DNAH5: variants seen among roughly 807,000 people sequenced by gnomAD.
The protein encoded by DNAH5 is dynein axonemal heavy chain 5.
In DNAH5, 372 loss-of-function variants were observed where a neutral mutation model predicts 518.2. That is an observed-to-expected ratio of 0.72 (90% CI 0.66 to 0.78). DNAH5 has a LOEUF of 0.78. Among genes scored for constraint, DNAH5 ranks in the 30% least tolerant of loss-of-function variants. The pLI is 0.00. For synonymous variants in DNAH5, 2,039 were observed against 2,025.9 expected (o/e 1.01, Z -0.17); for missense variants, 5,523 against 5,687.0 (o/e 0.97, Z 0.93).
chr5:13,760,660 T>A (rs1751647021), intron 60 of DNAH5, among the ~76,000 whole-genome samples: 1 of 152,202 alleles, frequency 6.6e-6, no homozygotes. Context: ...TAGAAGTCAC[T>A]TAGCCCAACT....
intron 76 of DNAH5, among the ~76,000 whole-genome samples, chr5:13,702,867 A>G (rs779044938): frequency 2.0e-5 from 3 of 152,020 alleles, no homozygotes; most frequent in Middle Eastern, 3.2e-3. Flanking sequence ...TCAGCACCAA[A>G]CAAGTCCTAT....
intron 15 of DNAH5, chr5:13,896,471 AC>A (rs1321834577): frequency 1.3e-5 from 2 of 152,182 alleles, no homozygotes; most frequent in African/African-American, 4.8e-5. Flanking sequence ...ATAAACCACC[AC>A]CAAAACCACT....
At chr5:13,889,396 C>A (rs1283516876) in intron 17 of DNAH5, among the ~76,000 whole-genome samples, 2 of 152,076 alleles carry the variant, frequency 1.3e-5, no homozygotes, top group African/African-American at 4.8e-5. Context: ...GTAAGTTTTG[C>A]GTATAAAATG....
chr5:13,987,473 C>T (rs1250501337), intron 1 of DNAH5, among the ~76,000 whole-genome samples: 3 of 152,042 alleles, frequency 2.0e-5, no homozygotes, highest in African/African-American at 7.3e-5. Context: ...ACTGCTCACA[C>T]CAGAGAATGA....
intron 65 of DNAH5, among the ~76,000 whole-genome samples, chr5:13,740,684 G>A (rs1415429936): frequency 6.6e-6 from 1 of 152,130 alleles, no homozygotes; most frequent in Non-Finnish European, 1.5e-5. Context: ...GAACTCTCTT[G>A]CCTCAGGGCC....
chr5:13,860,139 A>C (rs774781495), intron 29 of DNAH5, among the ~76,000 whole-genome samples: 1 of 152,228 alleles, frequency 6.6e-6, no homozygotes, highest in East Asian at 1.9e-4. Flanking sequence ...TTTGATGTAC[A>C]TGTGTGCAAG....
chr5:13,693,166 G>A (rs1027475915), intron 78 of DNAH5, among the ~76,000 whole-genome samples: 1 of 151,988 alleles, frequency 6.6e-6, no homozygotes, highest in South Asian at 2.1e-4. Flanking sequence ...GTACTCTTCC[G>A]GGAAGTCAAT....
intron 41 of DNAH5, among the ~76,000 whole-genome samples, chr5:13,818,965 C>T (rs6895640): frequency 0.39 from 59,859 of 152,052 alleles, 11,952 homozygotes; most frequent in East Asian, 0.61. Flanking sequence ...AGTTCATAAA[C>T]AGCAAATAGT....
intron 30 of DNAH5, among the ~76,000 whole-genome samples, chr5:13,851,945 C>T (rs1028578137): frequency 2.0e-5 from 3 of 151,832 alleles, no homozygotes; most frequent in Non-Finnish European, 4.4e-5. Context: ...CGGGGTGGGG[C>T]GTTGCCTCAC....
intron 40 of DNAH5, among the ~76,000 whole-genome samples, chr5:13,821,301 G>T (rs954837561): frequency 2.6e-5 from 4 of 152,136 alleles, no homozygotes; most frequent in Non-Finnish European, 4.4e-5. Context: ...CTTACAACTA[G>T]AAAAATGGAT....
At chr5:13,997,772 T>C (rs1038452934) in intron 1 of DNAH5, among the ~76,000 whole-genome samples, 1 of 152,166 alleles carries the variant, frequency 6.6e-6, no homozygotes, top group Admixed American at 6.5e-5. Context: ...CTGTCTTAGT[T>C]CATTTGGGCT....
intron 1 of DNAH5, among the ~76,000 whole-genome samples, chr5:14,007,054 CTG>C: frequency 6.6e-6 from 1 of 152,220 alleles, no homozygotes; most frequent in Non-Finnish European, 1.5e-5. Flanking sequence ...CTCCATAGCC[CTG>C]CAAGGCTGTC....
In DNAH5 at chr5:13,919,171, A is replaced by G; in HGVS notation, c.975+5T>C. ...TTCACAAGGCAAAATGAAATGGCTG[A>G]CGACCTTCAGCAGTTTCGACTTGGC... On this transcript the variant is annotated splice_donor_5th_base_variant and intron_variant, in intron 7 of 78. Coordinates refer to ENST00000265104, the MANE Select transcript of DNAH5 (RefSeq NM_001369.3). 1.2e-6 allele frequency: 2 copies of G among 1,613,956 alleles called. No individual in the cohort carries two copies. The highest frequency in any genetic ancestry group is 1.7e-6 in the Non-Finnish European group (2 of 1,179,846).
intron 50 of DNAH5, among the ~76,000 whole-genome samples, chr5:13,791,779 T>A (rs1757033263): frequency 6.6e-6 from 1 of 152,222 alleles, no homozygotes; most frequent in Non-Finnish European, 1.5e-5. Context: ...ATGATGTTCT[T>A]AAAACACAAA....
At chr5:13,908,085 G>A (rs571653296) in intron 12 of DNAH5, among the ~76,000 whole-genome samples, 33 of 152,212 alleles carry the variant, frequency 2.2e-4, no homozygotes, top group African/African-American at 7.2e-4. Context: ...TGGGTAAGCC[G>A]CAAACCTCCT....
intron 18 of DNAH5, among the ~76,000 whole-genome samples, chr5:13,885,478 C>T (rs1025742313): frequency 6.6e-6 from 1 of 152,206 alleles, no homozygotes; most frequent in African/African-American, 2.4e-5. Context: ...ACAAGAGAGG[C>T]AGGAGCTATG....
intron 17 of DNAH5, among the ~76,000 whole-genome samples, 177 bp from the exon 18 acceptor site, chr5:13,886,306 T>C (rs1011532617): frequency 2.0e-5 from 3 of 152,178 alleles, no homozygotes; most frequent in Non-Finnish European, 2.9e-5. Context: ...TCTAAAGGAA[T>C]GTGTTTAGGA....
Position 13,840,986 on chromosome 5 carries a change from C to T in DNAH5, c.5629G>A (p.Asp1877Asn), listed in dbSNP as rs1362563442. Reference protein sequence around the residue: ...LNTLIDVTTRDLSSTERVKYE... With the variant: ...LNTLIDVTTRNLSSTERVKYE... ...TTCACTCGTTCCGTGGAACTCAGAT[C>T]CCTCGTGGTGACGTCTATCAATGTA... Residue 1877 changes from aspartate (D) to asparagine (N), a missense_variant, in exon 34 of 79, where the codon GAT (aspartate) becomes AAT (asparagine). Asp to Asn is a conservative substitution (Grantham distance 23). This residue lies in a region of DNAH5 where 5,121 missense variants were observed against 5,223.3 expected (regional missense o/e 0.98). Coordinates refer to ENST00000265104, the MANE Select transcript of DNAH5 (RefSeq NM_001369.3). 2 of 1,614,006 alleles carry T rather than the reference C, an allele frequency of 1.2e-6. No homozygotes were observed. The highest frequency in any genetic ancestry group is 3.3e-5 in the Admixed American group (2 of 59,998).
chr5:13,935,938 A>G (rs1778881960), intron 1 of DNAH5, among the ~76,000 whole-genome samples: 1 of 152,226 alleles, frequency 6.6e-6, no homozygotes, highest in South Asian at 2.1e-4. Flanking sequence ...AAAAAGCACC[A>G]GTGAATAGGG....
Sources: allele counts gnomAD v4.1 joint callset (sites outside exome capture counted in the v4.1 genomes callset), GRCh38; gene constraint gnomAD v4.1.1; regional missense constraint gnomAD v4.1.1; transcripts MANE v1.5; gene names NCBI Gene and HGNC (gene_info 2026-07-23, HGNC 2026-07-21).